The following KCNN2 variants were observed in gnomAD, a reference collection of about 807,000 sequenced individuals.
KCNN2 encodes the protein small conductance calcium-activated potassium channel protein 2.
In KCNN2, 24 loss-of-function variants were observed where a neutral mutation model predicts 55.5. The observed-to-expected ratio is 0.43, with a 90% CI of 0.31 to 0.61. The LOEUF (loss-of-function observed/expected upper bound fraction) is 0.61. Among genes scored for constraint, KCNN2 ranks in the 20% least tolerant of loss-of-function variants. KCNN2 has a pLI of 0.08. For synonymous variants in KCNN2, 431 were observed against 336.1 expected (o/e 1.28, Z -3.09); for missense variants, 754 against 853.6 (o/e 0.88, Z 1.45).
chr5:114,347,903 C>T (rs567250541), intron 2 of KCNN2, among the ~76,000 whole-genome samples: 1 of 152,252 alleles, frequency 6.6e-6, no homozygotes, highest in Non-Finnish European at 1.5e-5. Context: ...CCCAAGAGAG[C>T]CTCTCACTCC....
At chr5:114,287,147 C>G (rs533388749) in intron 2 of KCNN2, among the ~76,000 whole-genome samples, 2 of 152,162 alleles carry the variant, frequency 1.3e-5, no homozygotes, top group East Asian at 3.9e-4. Context: ...GGGTGAAAAG[C>G]TAGTTTAAAA....
intron 2 of KCNN2, among the ~76,000 whole-genome samples, chr5:114,369,675 G>T (rs767766768): frequency 1.3e-5 from 2 of 152,098 alleles, no homozygotes; most frequent in African/African-American, 4.8e-5. Context: ...TTGACTTTGT[G>T]TATACACTGT....
intron 2 of KCNN2, among the ~76,000 whole-genome samples, chr5:114,283,313 C>T (rs185224896): frequency 2.1e-4 from 32 of 152,116 alleles, no homozygotes; most frequent in Non-Finnish European, 4.0e-4. Context: ...TTCTCTTGAC[C>T]GGTGTTAAAC....
chr5:114,375,977 TGTA>T (rs889223144), intron 2 of KCNN2, among the ~76,000 whole-genome samples: 4 of 145,714 alleles, frequency 2.7e-5, no homozygotes, highest in Admixed American at 2.1e-4. Context: ...TATATATATA[TGTA>T]TTTTTTTCCT....
At chr5:114,369,335 C>G (rs1430239491) in intron 2 of KCNN2, among the ~76,000 whole-genome samples, 1 of 152,162 alleles carries the variant, frequency 6.6e-6, no homozygotes, top group Non-Finnish European at 1.5e-5. Context: ...AGTGCGTTAT[C>G]TAATCTGCCA....
At chr5:114,386,183 A>C (rs965588910) in intron 2 of KCNN2, among the ~76,000 whole-genome samples, 6 of 80,354 alleles carry the variant, frequency 7.5e-5, no homozygotes, top group African/African-American at 1.9e-4. Flanking sequence ...ACTCTGTCTA[A>C]AAAAAAAAAA....
rs1243770340 is a variant in KCNN2 at position 114,123,512 on chromosome 5, G to A, written c.-271+67012G>A. Among the ~76,000 whole-genome samples, 5 of 119,462 alleles carry A rather than the reference G, an allele frequency of 4.2e-5. 1 individual carries two copies. Among genetic ancestry groups the A allele is most frequent in the Admixed American group, 2.4e-4 (3 of 12,668 alleles). The allele number at this position is 119,462 out of a possible 152,430, so 78.4% of individuals were successfully genotyped here. A position where few individuals can be genotyped will look rare whatever the true frequency, so the allele number is the denominator to read the frequency against. The stretch of plus-strand genomic sequence containing the variant: ...CGCGTAGCTGGGACTACAGGCGCCC[G>A]CCACCACGCCCGGCTAATTTTTTGT... On this transcript the variant is annotated intron_variant, in intron 1 of 10. Coordinates refer to the KCNN2 transcript ENST00000512097.
At chr5:114,176,116 T>C (rs1315903306) in intron 1 of KCNN2, among the ~76,000 whole-genome samples, 1 of 152,212 alleles carries the variant, frequency 6.6e-6, no homozygotes, top group Non-Finnish European at 1.5e-5. Flanking sequence ...CATTTTCAGC[T>C]GGATAATTCT....
At chr5:114,420,010 C>A (rs1759427156) in intron 3 of KCNN2, among the ~76,000 whole-genome samples, 1 of 152,206 alleles carries the variant, frequency 6.6e-6, no homozygotes, top group South Asian at 2.1e-4. Flanking sequence ...AACAAAGCTA[C>A]CTTCTCCATT....
At chr5:114,086,924 G>A (rs190254559) in intron 1 of KCNN2, among the ~76,000 whole-genome samples, 3 of 152,040 alleles carry the variant, frequency 2.0e-5, no homozygotes, top group Non-Finnish European at 4.4e-5. Context: ...TCCCTTTTCT[G>A]TGCAGCCTCA....
At chr5:114,105,678 A>G (rs1303607871) in intron 1 of KCNN2, among the ~76,000 whole-genome samples, 1 of 152,054 alleles carries the variant, frequency 6.6e-6, no homozygotes, top group African/African-American at 2.4e-5. Flanking sequence ...ATTTGTTGCT[A>G]ATGGATTATC....
At chr5:114,308,417 A>G (rs1756332463) in intron 2 of KCNN2, among the ~76,000 whole-genome samples, 1 of 152,216 alleles carries the variant, frequency 6.6e-6, no homozygotes, top group African/African-American at 2.4e-5. Flanking sequence ...AAGAAGAGAG[A>G]CTATACAATA....
In KCNN2 at chr5:114,490,159, A is replaced by T. The variant is rs1747778534; in HGVS notation, c.2018+2982A>T. On this transcript the variant is annotated intron_variant, in intron 6 of 7. Transcript: ENST00000673685. ...TCCCTTTAAAGTTTATCATTCTTTTATCTCAACTATGGACCAACATGAATT... is the reference window on the plus strand; with the variant it reads ...TCCCTTTAAAGTTTATCATTCTTTTTTCTCAACTATGGACCAACATGAATT... 2.6e-5 allele frequency among the ~76,000 whole-genome samples: 4 copies of T among 152,100 alleles called. No homozygotes were observed. The South Asian group carries it at 8.3e-4, about 32-fold the overall frequency.
At chr5:114,257,482 A>G (rs1423293982) in intron 2 of KCNN2, among the ~76,000 whole-genome samples, 1 of 152,008 alleles carries the variant, frequency 6.6e-6, no homozygotes, top group Non-Finnish European at 1.5e-5. Flanking sequence ...ATTCTAATTC[A>G]TGAGCATGGG....
At chr5:114,366,698 G>GC (rs962151155) in intron 2 of KCNN2, among the ~76,000 whole-genome samples, 8 of 152,084 alleles carry the variant, frequency 5.3e-5, no homozygotes, top group South Asian at 2.1e-4. Flanking sequence ...ATGATGAATT[G>GC]CCCCCCGCCC....
intron 2 of KCNN2, among the ~76,000 whole-genome samples, chr5:114,352,163 A>C (rs1580740315): frequency 6.6e-6 from 1 of 151,830 alleles, no homozygotes; most frequent in East Asian, 1.9e-4. Context: ...TGTATTTTCT[A>C]GCAATTTTCT....
chr5:114,278,884 C>T (rs183903829), intron 2 of KCNN2, among the ~76,000 whole-genome samples: 10 of 152,258 alleles, frequency 6.6e-5, no homozygotes, highest in African/African-American at 2.4e-4. Flanking sequence ...ACCCACTGTC[C>T]AACCAGACTC....
chr5:114,294,676 TG>T (rs1404447432), intron 2 of KCNN2, among the ~76,000 whole-genome samples: 1 of 152,158 alleles, frequency 6.6e-6, no homozygotes, highest in Admixed American at 6.5e-5. Context: ...TCTATTGATT[TG>T]GGGTGGAGAG....
chr5:114,315,211 C>T (rs999527842), intron 2 of KCNN2, among the ~76,000 whole-genome samples: 2 of 152,156 alleles, frequency 1.3e-5, no homozygotes, highest in African/African-American at 4.8e-5. Context: ...TTATGTTTCT[C>T]ATAAACTATT....
Sources: gnomAD v4.1 joint callset for allele counts (sites outside exome capture counted in the v4.1 genomes callset) on GRCh38, gnomAD v4.1.1 for gene constraint, MANE v1.5 for transcripts, NCBI Gene and HGNC (gene_info 2026-07-23, HGNC 2026-07-21) for gene names.